The following MYRIP variants were observed in gnomAD, a reference collection of about 807,000 sequenced individuals.
The protein encoded by MYRIP is rab effector MyRIP.
Under a neutral mutation model 98.0 loss-of-function variants are expected in MYRIP, and 49 were observed. The ratio of observed to expected loss-of-function variants is 0.50; its 90% confidence interval spans 0.40 to 0.63. The LOEUF (loss-of-function observed/expected upper bound fraction) is 0.63. MYRIP is among the 30% of genes least tolerant of loss of function. The pLI is 0.00. For synonymous variants in MYRIP, 404 were observed against 409.5 expected, an observed-to-expected ratio of 0.99 and a Z score of 0.16; for missense variants, 1,004 against 1,058.2, an observed-to-expected ratio of 0.95 and a Z score of 0.71.
At chr3:39,853,772 A>C (rs991815013) in intron 1 of MYRIP, among the ~76,000 whole-genome samples, 1 of 151,368 alleles carries the variant, frequency 6.6e-6, no homozygotes, top group African/African-American at 2.4e-5. Flanking sequence ...GGATCCGTCT[A>C]TTTATTTTTG....
chr3:39,958,191 A>G (rs1575413701), intron 2 of MYRIP, among the ~76,000 whole-genome samples: 1 of 152,208 alleles, frequency 6.6e-6, no homozygotes, highest in East Asian at 1.9e-4. Context: ...TAAAGTTCAT[A>G]CGGAACCAAA....
At chr3:39,976,243 C>G (rs1368785282) in intron 2 of MYRIP, among the ~76,000 whole-genome samples, 3 of 152,096 alleles carry the variant, frequency 2.0e-5, no homozygotes, top group Non-Finnish European at 4.4e-5. Flanking sequence ...AGGATATGAA[C>G]AGACACTTCT....
At chr3:40,159,578 C>G (rs1198709961) in intron 4 of MYRIP, among the ~76,000 whole-genome samples, 1 of 151,786 alleles carries the variant, frequency 6.6e-6, no homozygotes, top group Non-Finnish European at 1.5e-5. Flanking sequence ...TGGATAATAT[C>G]CTGCAGAGTG....
At chr3:40,152,720 G>C (rs2125576393) in intron 4 of MYRIP, among the ~76,000 whole-genome samples, 1 of 152,302 alleles carries the variant, frequency 6.6e-6, no homozygotes, top group South Asian at 2.1e-4. Context: ...TCTCCTGCCA[G>C]ACTGTGATAT....
Position 39,950,428 on chromosome 3 carries a change from A to G in MYRIP, c.110+49502A>G, listed in dbSNP as rs147729772. The stretch of plus-strand genomic sequence containing the variant: ...TTTGATAATGCATACATTTTTTCAT[A>G]TGTTTTAGAAACATATGCTTTCCTG... On this transcript the variant is annotated intron_variant, in intron 2 of 16. Transcript: ENST00000302541. Among the ~76,000 whole-genome samples, 49 of 152,238 alleles carry G rather than the reference A, an allele frequency of 3.2e-4. No homozygotes were observed. In the East Asian group the frequency reaches 7.7e-3, roughly 24 times the overall value.
chr3:39,841,604 G>T (rs2125595018), intron 1 of MYRIP, among the ~76,000 whole-genome samples: 1 of 152,232 alleles, frequency 6.6e-6, no homozygotes, highest in South Asian at 2.1e-4. Flanking sequence ...TCTGCCTTTG[G>T]TCTTTTATAT....
intron 3 of MYRIP, among the ~76,000 whole-genome samples, chr3:40,052,883 T>C (rs1448545410): frequency 2.6e-5 from 4 of 152,136 alleles, no homozygotes; most frequent in African/African-American, 9.7e-5. Flanking sequence ...TATTAAAATG[T>C]TAGATTGAAA....
chr3:39,826,162 T>C (rs904599148), intron 1 of MYRIP, among the ~76,000 whole-genome samples: 2 of 151,998 alleles, frequency 1.3e-5, no homozygotes, highest in African/African-American at 4.8e-5. Context: ...TTAGTCTCAA[T>C]TTTGCTTATT....
intron 1 of MYRIP, among the ~76,000 whole-genome samples, chr3:39,815,441 A>T (rs1431224092): frequency 1.3e-5 from 2 of 152,178 alleles, no homozygotes; most frequent in African/African-American, 4.8e-5. Context: ...ATACACATAC[A>T]TATCACATCT....
chr3:39,847,614 C>A (rs1359878711), intron 1 of MYRIP, among the ~76,000 whole-genome samples: 2 of 152,146 alleles, frequency 1.3e-5, no homozygotes, highest in Non-Finnish European at 2.9e-5. Flanking sequence ...TGGGTTAATT[C>A]TCAGTGATTT....
At chr3:40,237,379 CT>C (rs1323909704) in intron 12 of MYRIP, among the ~76,000 whole-genome samples, 1 of 152,162 alleles carries the variant, frequency 6.6e-6, no homozygotes, top group Non-Finnish European at 1.5e-5. Flanking sequence ...GGCAGCACCC[CT>C]GGTCTCTACC....
At chr3:40,087,323 G>C (rs1362840647) in intron 3 of MYRIP, among the ~76,000 whole-genome samples, 4 of 152,124 alleles carry the variant, frequency 2.6e-5, no homozygotes, top group African/African-American at 4.8e-5. Context: ...CATGCAAGGG[G>C]CTCAGCCCTG....
chr3:39,913,633 A>C (rs1027094349), intron 2 of MYRIP, among the ~76,000 whole-genome samples: 1 of 152,234 alleles, frequency 6.6e-6, no homozygotes, highest in African/African-American at 2.4e-5. Context: ...AAAAAGCTTT[A>C]TAAATGCCCC....
chr3:39,921,453 A>G (rs1025323731), intron 2 of MYRIP, among the ~76,000 whole-genome samples: 3 of 152,206 alleles, frequency 2.0e-5, no homozygotes, highest in African/African-American at 7.2e-5. Flanking sequence ...ACAAACAATC[A>G]TCATTTAAAC....
chr3:39,983,360 A>C (rs547068728), intron 2 of MYRIP, among the ~76,000 whole-genome samples: 105 of 152,354 alleles, frequency 6.9e-4, no homozygotes, highest in African/African-American at 2.5e-3. Flanking sequence ...TCAGGTATAC[A>C]TTCATATTAT....
intron 9 of MYRIP, among the ~76,000 whole-genome samples, chr3:40,187,785 G>T (rs1351953301): frequency 6.6e-6 from 1 of 152,192 alleles, no homozygotes; most frequent in Non-Finnish European, 1.5e-5. Flanking sequence ...AACGTGGAAT[G>T]AGCCAACCAG....
At chr3:39,954,542 A>T (rs183919750) in intron 2 of MYRIP, among the ~76,000 whole-genome samples, 2 of 152,318 alleles carry the variant, frequency 1.3e-5, no homozygotes, top group Admixed American at 1.3e-4. Flanking sequence ...GACCAAAGGT[A>T]GATACAACCA....
At chr3:40,018,363 T>C (rs146394168) in intron 2 of MYRIP, among the ~76,000 whole-genome samples, 2 of 152,346 alleles carry the variant, frequency 1.3e-5, no homozygotes, top group East Asian at 1.9e-4. Flanking sequence ...TCTCCAGAGC[T>C]CTATCCAGTC....
chr3:40,063,484 T>C (rs1948062513), intron 3 of MYRIP, among the ~76,000 whole-genome samples: 1 of 152,248 alleles, frequency 6.6e-6, no homozygotes, highest in Non-Finnish European at 1.5e-5. Context: ...ACAAAAGGTC[T>C]ATGCTAAAGT....
Sources: gnomAD v4.1 joint callset for allele counts (sites outside exome capture counted in the v4.1 genomes callset) on GRCh38, gnomAD v4.1.1 for gene constraint, MANE v1.5 for transcripts, NCBI Gene and HGNC (gene_info 2026-07-23, HGNC 2026-07-21) for gene names.